The following CSMD3 variants were observed in gnomAD, a reference collection of about 807,000 sequenced individuals.
CSMD3 encodes the protein CUB and sushi domain-containing protein 3.
CSMD3 carries 177 observed loss-of-function variants against 435.2 expected under a neutral mutation model. The observed-to-expected ratio is 0.41, with a 90% confidence interval of 0.36 to 0.46. The LOEUF is 0.46. Ranked by LOEUF, CSMD3 falls within the 20% of genes least tolerant of loss-of-function variation. CSMD3 has a pLI of 0.34. For missense variants in CSMD3, 4,265 were observed against 4,504.6 expected (o/e 0.95, Z 1.52); for synonymous variants, 1,656 against 1,520.5 (o/e 1.09, Z -2.07).
intron 13 of CSMD3, among the ~76,000 whole-genome samples, chr8:112,774,630 C>A (rs535826639): frequency 9.2e-5 from 14 of 152,074 alleles, no homozygotes; most frequent in Admixed American, 2.6e-4. Context: ...TGTATGTTAT[C>A]TTTGATTATC....
chr8:112,399,124 C>T (rs1436770523), intron 35 of CSMD3, among the ~76,000 whole-genome samples: 1 of 151,706 alleles, frequency 6.6e-6, no homozygotes, highest in Non-Finnish European at 1.5e-5. Context: ...ACCACGCTGG[C>T]CAGGGCTGGT....
At chr8:113,405,167 T>C (rs1474610782) in intron 1 of CSMD3, among the ~76,000 whole-genome samples, 1 of 151,598 alleles carries the variant, frequency 6.6e-6, no homozygotes, top group Non-Finnish European at 1.5e-5. Flanking sequence ...TATTGTCATA[T>C]ATGTATCCTG....
Position 112,281,312 on chromosome 8 carries a change from T to C in CSMD3, c.9370A>G (p.Lys3124Glu). Residue 3124 changes from lysine to glutamate, a missense_variant, in exon 59 of 71, where the codon AAA becomes GAA. By Grantham distance (56) the Lys-to-Glu change is moderately conservative. This residue lies in a region of CSMD3 where 3,255 missense variants were observed against 3,380.2 expected (regional missense o/e 0.96). Coordinates refer to ENST00000297405, the MANE Select transcript of CSMD3 (RefSeq NM_198123.2). ...CGNPGTTANG[K>E]VFRIDGTTFS... The stretch of plus-strand genomic sequence containing the variant: ...GTTGTGCCATCAATTCGGAAGACTT[T>C]CCCATTGGCTGTGGTTCCTGGGTTA... The C allele has an allele frequency of 6.2e-7, 1 of 1,613,468 alleles. No homozygotes were observed. The highest frequency in any genetic ancestry group is 8.5e-7 in the Non-Finnish European group (1 of 1,179,554).
intron 27 of CSMD3, among the ~76,000 whole-genome samples, chr8:112,534,497 G>T (rs938339909): frequency 3.9e-5 from 6 of 152,134 alleles, no homozygotes; most frequent in Non-Finnish European, 7.3e-5. Context: ...TTGAATCTCT[G>T]AATAGACCAA....
chr8:112,905,321 T>TATACAC (rs5894119), intron 10 of CSMD3, among the ~76,000 whole-genome samples: 8,857 of 145,542 alleles, frequency 0.061, 423 homozygotes, highest in African/African-American at 0.12. Flanking sequence ...TATATATATA[T>TATACAC]ACACACACAC....
intron 5 of CSMD3, among the ~76,000 whole-genome samples, chr8:113,079,377 G>T (rs2089466010): frequency 6.6e-6 from 1 of 151,940 alleles, no homozygotes; most frequent in African/African-American, 2.4e-5. Flanking sequence ...AAATGAACTT[G>T]CTGGCAATAG....
At chr8:112,573,792 T>C (rs2131303379) in intron 23 of CSMD3, 135 bp from the exon 24 acceptor site, 2 of 679,842 alleles carry the variant, frequency 2.9e-6, no homozygotes, top group South Asian at 3.8e-5. Flanking sequence ...GGCAACTAAA[T>C]ATATTGGTTT....
At chr8:112,564,542 T>G (rs1332673136) in intron 24 of CSMD3, among the ~76,000 whole-genome samples, 1 of 151,976 alleles carries the variant, frequency 6.6e-6, no homozygotes, top group Admixed American at 6.6e-5. Flanking sequence ...TGTGTGAAAG[T>G]CAGAAGACCA....
At chr8:112,578,846 A>G (rs1830136816) in intron 23 of CSMD3, among the ~76,000 whole-genome samples, 1 of 152,058 alleles carries the variant, frequency 6.6e-6, no homozygotes, top group African/African-American at 2.4e-5. Context: ...AATTTTACTT[A>G]CAAAAACAAG....
chr8:113,381,876 C>A (rs1297939027), intron 1 of CSMD3, among the ~76,000 whole-genome samples: 1 of 152,006 alleles, frequency 6.6e-6, no homozygotes, highest in Non-Finnish European at 1.5e-5. Flanking sequence ...TTAGTTTTGC[C>A]CATTCACAAA....
chr8:112,465,727 C>T (rs1257430664), intron 32 of CSMD3, among the ~76,000 whole-genome samples: 1 of 152,094 alleles, frequency 6.6e-6, no homozygotes, highest in Non-Finnish European at 1.5e-5. Flanking sequence ...GTAATCCCAG[C>T]ATGTTGGAAG....
At chr8:112,532,400 C>G (rs978362692) in intron 27 of CSMD3, among the ~76,000 whole-genome samples, 1 of 152,102 alleles carries the variant, frequency 6.6e-6, no homozygotes, top group Non-Finnish European at 1.5e-5. Context: ...CAAAATAACA[C>G]TATCCCAGGG....
chr8:113,058,329 T>C (rs2088442954), intron 5 of CSMD3, among the ~76,000 whole-genome samples: 1 of 152,000 alleles, frequency 6.6e-6, no homozygotes. Flanking sequence ...ATTTTAAATA[T>C]TCCCAGCTAA....
chr8:113,173,764 C>A lies in CSMD3; in HGVS notation c.667G>T (p.Val223Phe), dbSNP rs139833442. 1.9e-5 allele frequency: 31 copies of A among 1,613,668 alleles called. No individual in the cohort carries two copies. The highest frequency in any genetic ancestry group is 1.6e-4 in the Middle Eastern group (1 of 6,082). The change falls in exon 4 of 71, where the codon GTT (valine) becomes TTT (phenylalanine). Residue 223 changes from valine (V) to phenylalanine (F), a missense_variant. Val to Phe is a conservative substitution (Grantham distance 50, BLOSUM62 -1). Coordinates refer to ENST00000297405, the MANE Select transcript of CSMD3 (RefSeq NM_198123.2). ...GGAAAATCCCACGAAGCTGTATTAA[C>A]TGAATTGGCTATGCAGGTGAGCTGA... ...HPQLTCIANS[V>F]NTASWDFPVP... is the part of the protein sequence containing the mutation.
chr8:112,875,331 C>T (rs2081251938), intron 10 of CSMD3, among the ~76,000 whole-genome samples: 1 of 152,146 alleles, frequency 6.6e-6, no homozygotes, highest in Non-Finnish European at 1.5e-5. Context: ...CCCAACCTTT[C>T]TTGCTGCCTA....
intron 31 of CSMD3, among the ~76,000 whole-genome samples, chr8:112,479,202 A>G (rs1286849131): frequency 2.6e-5 from 4 of 152,218 alleles, no homozygotes; most frequent in Admixed American, 6.5e-5. Flanking sequence ...CACGGCTTTC[A>G]AAGTGTTGGA....
intron 1 of CSMD3, among the ~76,000 whole-genome samples, chr8:113,360,777 G>T (rs1180694863): frequency 1.3e-5 from 2 of 151,678 alleles, no homozygotes; most frequent in Non-Finnish European, 2.9e-5. Context: ...GTTTCACCTT[G>T]TTAGCCAGGA....
At chr8:112,942,985 C>T (rs1308411601) in intron 9 of CSMD3, among the ~76,000 whole-genome samples, 1 of 151,702 alleles carries the variant, frequency 6.6e-6, no homozygotes, top group Non-Finnish European at 1.5e-5. Context: ...TTCTCGGCAG[C>T]ATTTTGTGTT....
At chr8:113,130,893 C>T (rs1311338701) in intron 4 of CSMD3, among the ~76,000 whole-genome samples, 1 of 152,106 alleles carries the variant, frequency 6.6e-6, no homozygotes, top group African/African-American at 2.4e-5. Flanking sequence ...TGGAGCAAGG[C>T]CGCTCTTGCT....
Sources: gnomAD v4.1 joint callset for allele counts (sites outside exome capture counted in the v4.1 genomes callset) on GRCh38, gnomAD v4.1.1 for gene constraint, gnomAD v4.1.1 regional missense constraint, MANE v1.5 for transcripts, NCBI Gene and HGNC (gene_info 2026-07-23, HGNC 2026-07-21) for gene names.